Variants in ADGRL2 observed in about 807,000 individuals in gnomAD.
ADGRL2 encodes the protein adhesion G protein-coupled receptor L2, also known as calcium-independent alpha-latrotoxin receptor 2.
In ADGRL2, 44 loss-of-function variants were observed where a neutral mutation model predicts 157.4. The observed-to-expected ratio is 0.28, with a 90% CI of 0.22 to 0.36. ADGRL2 has a LOEUF of 0.36. Ranked by LOEUF, ADGRL2 falls within the 10% of genes least tolerant of loss-of-function variation. The pLI, the probability that ADGRL2 is intolerant of heterozygous loss-of-function variation, is 1.00. For missense variants in ADGRL2, 1,510 were observed against 1,768.9 expected, an observed-to-expected ratio of 0.85 and a Z score of 2.63; for synonymous variants, 585 against 624.7, an observed-to-expected ratio of 0.94 and a Z score of 0.95.
At chr1:81,382,653 C>G (rs1428620311) in intron 1 of ADGRL2, among the ~76,000 whole-genome samples, 1 of 152,150 alleles carries the variant, frequency 6.6e-6, no homozygotes, top group Non-Finnish European at 1.5e-5. Context: ...AAAGACGAAA[C>G]TGCATTTAAA....
intron 3 of ADGRL2, among the ~76,000 whole-genome samples, chr1:81,662,086 G>A (rs1470831030): frequency 6.6e-6 from 1 of 151,962 alleles, no homozygotes; most frequent in Non-Finnish European, 1.5e-5. Context: ...GATGTGCAGT[G>A]TGAAATAGCA....
chr1:81,618,715 C>A (rs1027267754), intron 3 of ADGRL2, among the ~76,000 whole-genome samples: 1 of 152,178 alleles, frequency 6.6e-6, no homozygotes, highest in Non-Finnish European at 1.5e-5. Flanking sequence ...GTGTTCTGTT[C>A]TACACTATCT....
chr1:81,622,124 C>T (rs1220073196), intron 3 of ADGRL2, among the ~76,000 whole-genome samples: 1 of 152,062 alleles, frequency 6.6e-6, no homozygotes, highest in Non-Finnish European at 1.5e-5. Flanking sequence ...CTTTTTTTCT[C>T]ATCATTACAG....
intron 3 of ADGRL2, among the ~76,000 whole-genome samples, chr1:81,619,852 T>A (rs1387888495): frequency 6.6e-6 from 1 of 152,088 alleles, no homozygotes. Context: ...GGAGTCAGAC[T>A]GTCTAGGTTC....
At chr1:81,942,752 A>C (rs538836519) in intron 5 of ADGRL2, 1 of 595,944 alleles carries the variant, frequency 1.7e-6, no homozygotes, top group African/African-American at 1.9e-5. Context: ...GGCTTTTGTT[A>C]GTGAAAATAA....
intron 3 of ADGRL2, among the ~76,000 whole-genome samples, chr1:81,632,364 G>T (rs918190832): frequency 6.6e-6 from 1 of 152,150 alleles, no homozygotes. Context: ...CCAAAATGAG[G>T]GTAGGGAGAA....
intron 3 of ADGRL2, among the ~76,000 whole-genome samples, chr1:81,606,012 A>T (rs760681485): frequency 6.6e-6 from 1 of 152,116 alleles, no homozygotes. Context: ...TGGAAACACC[A>T]TTTGTCACTT....
chr1:81,673,608 G>A (rs917132404), intron 3 of ADGRL2, among the ~76,000 whole-genome samples: 18 of 148,244 alleles, frequency 1.2e-4, no homozygotes, highest in Non-Finnish European at 1.9e-4. Flanking sequence ...TCTGCCTCCC[G>A]GGTTCACACC....
intron 2 of ADGRL2, among the ~76,000 whole-genome samples, chr1:81,853,713 C>T (rs527840132): frequency 9.9e-5 from 15 of 152,096 alleles, no homozygotes; most frequent in Non-Finnish European, 1.8e-4. Flanking sequence ...GCTTTGTGGT[C>T]TTACTGGAAA....
chr1:81,834,065 A>G (rs2092128352), intron 1 of ADGRL2, among the ~76,000 whole-genome samples: 1 of 152,154 alleles, frequency 6.6e-6, no homozygotes, highest in Admixed American at 6.5e-5. Flanking sequence ...TGAAAGTCAT[A>G]GTCATTTATA....
chr1:81,937,187 G>A (rs1029778566), intron 4 of ADGRL2, among the ~76,000 whole-genome samples: 1 of 151,896 alleles, frequency 6.6e-6, no homozygotes, highest in African/African-American at 2.4e-5. Flanking sequence ...AGAAGGAATT[G>A]ACTTCAGTTT....
intron 3 of ADGRL2, among the ~76,000 whole-genome samples, chr1:81,908,634 T>C (rs575444266): frequency 1.3e-5 from 2 of 152,318 alleles, no homozygotes; most frequent in East Asian, 3.9e-4. Flanking sequence ...TTGTATAGTA[T>C]GAGTATGTTT....
chr1:81,317,696 T>A (rs1183059481), intron 1 of ADGRL2, among the ~76,000 whole-genome samples: 1 of 152,174 alleles, frequency 6.6e-6, no homozygotes, highest in Non-Finnish European at 1.5e-5. Context: ...AATAAGTAAA[T>A]CATAGTTGCT....
chr1:81,617,204 C>G (rs1261606233), intron 3 of ADGRL2, among the ~76,000 whole-genome samples: 1 of 152,242 alleles, frequency 6.6e-6, no homozygotes, highest in East Asian at 1.9e-4. Context: ...ATCAGTGGAA[C>G]ATTAGATTCT....
intron 2 of ADGRL2, among the ~76,000 whole-genome samples, chr1:81,525,795 G>C (rs1377837212): frequency 6.6e-6 from 1 of 152,166 alleles, no homozygotes. Context: ...CCAGTAGTAA[G>C]ACCAGCACAC....
At chr1:81,947,235 T>C (rs184157256) in intron 6 of ADGRL2, among the ~76,000 whole-genome samples, 198 of 152,318 alleles carry the variant, frequency 1.3e-3, no homozygotes, top group Non-Finnish European at 2.4e-3. Context: ...TTCTTGAGTT[T>C]TGAACCTTTT....
chr1:81,382,708 T>C (rs1408662547), intron 1 of ADGRL2, among the ~76,000 whole-genome samples: 2 of 152,128 alleles, frequency 1.3e-5, no homozygotes, highest in African/African-American at 2.4e-5. Context: ...CAAAAATAAA[T>C]AGTGACAGAT....
intron 2 of ADGRL2, among the ~76,000 whole-genome samples, chr1:81,794,490 A>T (rs1480507808): frequency 1.3e-5 from 2 of 152,184 alleles, no homozygotes; most frequent in Non-Finnish European, 2.9e-5. Flanking sequence ...AATGTACAAT[A>T]ACTGGACAGG....
At chr1:81,908,935 C>T (rs553632630) in intron 3 of ADGRL2, among the ~76,000 whole-genome samples, 25 of 150,318 alleles carry the variant, frequency 1.7e-4, no homozygotes, top group Non-Finnish European at 3.5e-4. Flanking sequence ...AGTACAGCGG[C>T]GTGATCTCTG....
Sources: allele counts gnomAD v4.1 joint callset (sites outside exome capture counted in the v4.1 genomes callset), GRCh38; gene constraint gnomAD v4.1.1; transcripts MANE v1.5; gene names NCBI Gene and HGNC (gene_info 2026-07-23, HGNC 2026-07-21).